The following EPB41L2 variants were observed in gnomAD, a reference collection of about 807,000 sequenced individuals.
EPB41L2 encodes the protein band 4.1-like protein 2.
EPB41L2 carries 43 observed loss-of-function variants against 113.0 expected under a neutral mutation model. The ratio of observed to expected loss-of-function variants is 0.38; its 90% confidence interval spans 0.30 to 0.49. The LOEUF (loss-of-function observed/expected upper bound fraction) is 0.49. EPB41L2 is among the 20% of genes least tolerant of loss of function. EPB41L2 has a pLI of 0.95. For synonymous variants in EPB41L2, 442 were observed against 436.7 expected (o/e 1.01, Z -0.15); for missense variants, 1,147 against 1,223.4 (o/e 0.94, Z 0.93).
intron 1 of EPB41L2, among the ~76,000 whole-genome samples, chr6:130,974,905 C>T (rs1777854061): frequency 6.6e-6 from 1 of 151,390 alleles, no homozygotes; most frequent in African/African-American, 2.4e-5. Flanking sequence ...CTACAGGTGC[C>T]CGCCACCACA....
chr6:130,965,640 T>A (rs1774908077), intron 1 of EPB41L2, among the ~76,000 whole-genome samples: 2 of 85,602 alleles, frequency 2.3e-5, no homozygotes, highest in Admixed American at 1.4e-4. Flanking sequence ...GGATAAACAG[T>A]TATCAAAAAA....
intron 1 of EPB41L2, among the ~76,000 whole-genome samples, chr6:131,007,305 G>T (rs546372270): frequency 6.6e-6 from 1 of 152,104 alleles, no homozygotes; most frequent in Non-Finnish European, 1.5e-5. Context: ...CTCTCCTGCC[G>T]CCCTGTGAGG....
chr6:130,894,519 T>C (rs1583173745), intron 9 of EPB41L2, 78 bp from the exon 10 acceptor site: 6 of 1,279,924 alleles, frequency 4.7e-6, no homozygotes, highest in Non-Finnish European at 6.8e-6. Flanking sequence ...TGCATTCAGA[T>C]GTTTCTGTGA....
rs1462944699 is a variant in EPB41L2 at position 130,878,243 on chromosome 6, T to G, written c.1904A>C (p.Asp635Ala). 1 of 1,609,250 alleles carries G rather than the reference T, an allele frequency of 6.2e-7. No individual in the cohort carries two copies. Among genetic ancestry groups the G allele is most frequent in the Non-Finnish European group, 8.5e-7 (1 of 1,178,430 alleles). ...RHSNLMLEEL[D>A]KAQEDILKHQ... is the part of the protein sequence containing the mutation. ...TTTCAGTATGTCCTCCTGGGCCTTATCCAGTTCCTAGCAATATGTAACGTA... is the reference window on the plus strand; with the variant it reads ...TTTCAGTATGTCCTCCTGGGCCTTAGCCAGTTCCTAGCAATATGTAACGTA... Residue 635 changes from aspartate to alanine, a missense_variant, in exon 14 of 20, where the codon GAT becomes GCT. Transcript: ENST00000337057.
chr6:130,987,189 C>T (rs192022049), intron 1 of EPB41L2, among the ~76,000 whole-genome samples: 3 of 151,262 alleles, frequency 2.0e-5, no homozygotes, highest in East Asian at 3.9e-4. Context: ...TATGAACATC[C>T]GTGTATAATT....
chr6:130,847,026 A>G (rs1388934797), intron 19 of EPB41L2, among the ~76,000 whole-genome samples: 3 of 152,194 alleles, frequency 2.0e-5, no homozygotes, highest in African/African-American at 7.2e-5. Context: ...TCAATCATAC[A>G]CACTACTGAT....
At chr6:131,041,887 A>G (rs1355269732) in intron 1 of EPB41L2, among the ~76,000 whole-genome samples, 3 of 152,246 alleles carry the variant, frequency 2.0e-5, no homozygotes, top group African/African-American at 7.2e-5. Context: ...ATAAATATGA[A>G]CACACATTGA....
intron 4 of EPB41L2, among the ~76,000 whole-genome samples, chr6:130,925,794 T>C (rs1465822104): frequency 6.6e-6 from 1 of 152,196 alleles, no homozygotes; most frequent in Non-Finnish European, 1.5e-5. Flanking sequence ...AAAACAGTAC[T>C]CTAAACAGAG....
intron 1 of EPB41L2, among the ~76,000 whole-genome samples, chr6:130,997,259 C>T: frequency 6.6e-6 from 1 of 152,180 alleles, no homozygotes; most frequent in South Asian, 2.1e-4. Context: ...AGGATTAAAG[C>T]CACTTAGCAA....
intron 14 of EPB41L2, chr6:130,872,560 G>A (rs1392814073): frequency 3.1e-6 from 4 of 1,285,988 alleles, no homozygotes; most frequent in South Asian, 1.2e-5. Flanking sequence ...AGAAAAGGAA[G>A]AGCAAAGAAT....
intron 3 of EPB41L2, among the ~76,000 whole-genome samples, chr6:130,953,797 A>T (rs1018434706): frequency 2.6e-5 from 4 of 152,020 alleles, no homozygotes; most frequent in Admixed American, 6.6e-5. Flanking sequence ...AGGACACAGC[A>T]CTTGGCCTTT....
At chr6:130,964,154 TG>T (rs1774364291) in intron 1 of EPB41L2, among the ~76,000 whole-genome samples, 1 of 152,256 alleles carries the variant, frequency 6.6e-6, no homozygotes, top group South Asian at 2.1e-4. Context: ...CCCAAGTAGC[TG>T]GGATTACAGG....
intron 1 of EPB41L2, among the ~76,000 whole-genome samples, chr6:130,973,917 G>T (rs948071610): frequency 2.6e-5 from 4 of 152,184 alleles, no homozygotes; most frequent in Admixed American, 2.0e-4. Context: ...GTAACTCCAT[G>T]TAATCCAGAA....
intron 1 of EPB41L2, among the ~76,000 whole-genome samples, chr6:130,973,612 T>C (rs1777448440): frequency 6.6e-6 from 1 of 152,154 alleles, no homozygotes. Context: ...CCTGCCTCCT[T>C]CCTTTCTATT....
At chr6:130,908,963 T>C in intron 4 of EPB41L2, 100 bp from the exon 5 acceptor site, 2 of 971,430 alleles carry the variant, frequency 2.1e-6, no homozygotes, top group Non-Finnish European at 1.5e-6. Context: ...CACATTTTAA[T>C]AAAGTATTAT....
chr6:130,949,602 A>G (rs932934301), intron 3 of EPB41L2, among the ~76,000 whole-genome samples: 3 of 150,924 alleles, frequency 2.0e-5, no homozygotes, highest in Admixed American at 6.6e-5. Flanking sequence ...AAGAGGAGGG[A>G]AGAGGAGGGG....
At chr6:131,007,000 G>T (rs139404229) in intron 1 of EPB41L2, among the ~76,000 whole-genome samples, 1 of 152,000 alleles carries the variant, frequency 6.6e-6, no homozygotes, top group Admixed American at 6.6e-5. Flanking sequence ...CAACACACTC[G>T]CCCTATTTAT....
intron 19 of EPB41L2, among the ~76,000 whole-genome samples, chr6:130,854,887 T>G (rs1053955624): frequency 7.2e-5 from 11 of 152,028 alleles, no homozygotes; most frequent in Non-Finnish European, 1.6e-4. Context: ...TTAAAACCAT[T>G]AGGAGCCAGG....
At chr6:130,956,783 A>G (rs1036371956) in intron 1 of EPB41L2, among the ~76,000 whole-genome samples, 1 of 152,232 alleles carries the variant, frequency 6.6e-6, no homozygotes, top group Admixed American at 6.5e-5. Context: ...AACTCAAGAA[A>G]CAGGGATTAC....
Sources: gnomAD v4.1 joint callset for allele counts (sites outside exome capture counted in the v4.1 genomes callset) on GRCh38, gnomAD v4.1.1 for gene constraint, MANE v1.5 for transcripts, NCBI Gene and HGNC (gene_info 2026-07-23, HGNC 2026-07-21) for gene names.